The following FASN variants were observed in gnomAD, a reference collection of about 807,000 sequenced individuals.
The protein encoded by FASN is fatty acid synthase.
A neutral mutation model predicts 250.0 loss-of-function variants in FASN; 50 were observed. The ratio of observed to expected loss-of-function variants is 0.20; its 90% CI spans 0.16 to 0.25. The LOEUF (loss-of-function observed/expected upper bound fraction) is 0.25. FASN is among the 10% of genes least tolerant of loss of function. The pLI is 1.00. For synonymous variants in FASN, 1,909 were observed against 1,584.0 expected, an observed-to-expected ratio of 1.21 and a Z score of -4.87; for missense variants, 3,031 against 3,498.5, an observed-to-expected ratio of 0.87 and a Z score of 3.37.
Position 82,095,471 on chromosome 17 carries a change from C to T in FASN, c.129G>A (p.Gly43=), listed in dbSNP as rs146967792. 5.1e-5 allele frequency: 83 copies of T among 1,611,946 alleles called. No homozygotes were observed. Among genetic ancestry groups the T allele is most frequent in the Non-Finnish European group, 6.4e-5 (76 of 1,179,998 alleles). ...VTDDDRRWKA[G]LYGLPRRSGK... ...CGGACCGCCGGGGCAGGCCGTAGAGCCCTGTGGGACAGGCGGGTGTTTAAA... is the reference window on the plus strand; with the variant it reads ...CGGACCGCCGGGGCAGGCCGTAGAGTCCTGTGGGACAGGCGGGTGTTTAAA... The change falls in exon 3 of 43, where the codon GGG becomes GGA. Residue 43 remains glycine, a splice_region_variant and synonymous_variant. Transcript: ENST00000306749.
At position 82,085,131 on chromosome 17, in the gene FASN, G is replaced by A. The variant is rs1568109211; in HGVS notation, c.4313C>T (p.Ser1438Phe). 6.2e-7 allele frequency: 1 copy of A among 1,612,582 alleles called. No homozygotes were observed. The highest frequency in any genetic ancestry group is 8.5e-7 in the Non-Finnish European group (1 of 1,179,890). The change falls in exon 25 of 43, where the codon TCC becomes TTC. Residue 1438 changes from serine (S) to phenylalanine (F), a missense_variant. Coordinates refer to ENST00000306749, the MANE Select transcript of FASN (RefSeq NM_004104.5). ...LKGILADEDS[S>F]RPVWLKAINC... ...GATGGCCTTCAGCCACACAGGCCGGGAAGAGTCTTCGTCAGCCAGGATGCC... is the reference window on the plus strand; with the variant it reads ...GATGGCCTTCAGCCACACAGGCCGGAAAGAGTCTTCGTCAGCCAGGATGCC...
chr17:82,083,059 C>T lies in FASN; in HGVS notation c.5622G>A (p.Ser1874=), dbSNP rs371027913. The T allele has an allele frequency of 7.9e-5, 127 of 1,612,306 alleles. No individual in the cohort carries two copies. The highest frequency in any genetic ancestry group is 2.9e-4 in the African/African-American group (22 of 74,892). Residue 1874 remains serine, a synonymous_variant, in exon 33 of 43, where the codon TCG becomes TCA. Coordinates refer to ENST00000306749, the MANE Select transcript of FASN (RefSeq NM_004104.5). The stretch of plus-strand genomic sequence containing the variant: ...CCGGGCAGAAGGTCTTGGAGATGGC[C>T]GACATCAGCTTGGGTTTGGCCCCCT... ...VLKGAKPKLM[S]AISKTFCPAH... is the part of the protein sequence containing the mutation.
In FASN at chr17:82,085,742, G is replaced by T. The variant is rs2034086854; in HGVS notation, c.3862C>A (p.Gln1288Lys). Residue 1288 changes from glutamine to lysine, a missense_variant, in exon 23 of 43, where the codon CAG (glutamine) becomes AAG (lysine). Transcript: ENST00000306749. ...TGGCCCTGGGCAACGTCGTGCTGCT[G>T]CAGCTCGGCCTGGGCAGCCTCCAGG... ...QALEAAQAEL[Q>K]QHDVAQGQWD... is the part of the protein sequence containing the mutation. 2 of 1,564,964 alleles carry T rather than the reference G, an allele frequency of 1.3e-6. No individual in the cohort carries two copies. Among genetic ancestry groups the T allele is most frequent in the Non-Finnish European group, 1.7e-6 (2 of 1,155,624 alleles).
intron 27 of FASN, 50 bp downstream of exon 27, chr17:82,084,463 G>T: frequency 6.3e-7 from 1 of 1,586,574 alleles, no homozygotes; most frequent in Non-Finnish European, 8.6e-7. Context: ...AGCTGCTGGG[G>T]TCTCTGCTCC....
intron 21 of FASN, among the ~76,000 whole-genome samples, chr17:82,086,771 G>A (rs1233498779): frequency 6.6e-6 from 1 of 152,182 alleles, no homozygotes; most frequent in Non-Finnish European, 1.5e-5. Flanking sequence ...CAGCTGCAGG[G>A]GCTACTCTGT....
chr17:82,085,612 T>C lies in FASN; in HGVS notation c.3992A>G (p.Asn1331Ser). 6.2e-7 allele frequency: 1 copy of C among 1,600,046 alleles called. No homozygotes were observed. Among genetic ancestry groups the C allele is most frequent in the Non-Finnish European group, 8.5e-7 (1 of 1,174,150 alleles). Residue 1331 changes from asparagine (N) to serine (S), a missense_variant, in exon 23 of 43, where the codon AAC becomes AGC. By Grantham distance (46) the Asn-to-Ser change is conservative. Coordinates refer to ENST00000306749, the MANE Select transcript of FASN (RefSeq NM_004104.5). ...CCCTTCTCTCAGGGCAGCCACCATG[T>C]TGCTGAGAGCTGAGGCCGGGTCCCC... ...ALGDPASALS[N>S]MVAALREGGF...
Position 82,092,802 on chromosome 17 carries a change from G to A in FASN, c.789C>T (p.Phe263=), listed in dbSNP as rs755074049. The A allele has an allele frequency of 1.3e-6, 2 of 1,599,648 alleles. No individual in the cohort carries two copies. The highest frequency in any genetic ancestry group is 2.2e-5 in the South Asian group (2 of 88,970). Residue 263 remains phenylalanine (F), a synonymous_variant, in exon 7 of 43, where the codon TTC becomes TTT. Coordinates refer to ENST00000306749, the MANE Select transcript of FASN (RefSeq NM_004104.5). ...GCTGCTCCTGGATATCCCCTGAGGG[G>A]AAGGTCACGCCTGCGGAGGGCTCGG... is the stretch of plus-strand genomic sequence containing the variant. ...TDGFKEQGVT[F]PSGDIQEQLI...
Position 82,091,689 on chromosome 17 carries a change from G to C in FASN, c.1030-5C>G. The C allele has an allele frequency of 1.3e-6, 2 of 1,566,160 alleles. No homozygotes were observed. The highest frequency in any genetic ancestry group is 1.7e-6 in the Non-Finnish European group (2 of 1,155,232). ...GTGCTCCAGGGACAGCAGCACCTGC[G>C]GGGGTACGTGGTGGATGGGCAGCCG... On this transcript the variant is annotated splice_region_variant and splice_polypyrimidine_tract_variant and intron_variant, in intron 8 of 42. Coordinates refer to ENST00000306749, the MANE Select transcript of FASN (RefSeq NM_004104.5).
rs530922404 is a variant in FASN, at chr17:82,088,578, G to A, written c.2421-16C>T. The A allele has an allele frequency of 1.1e-4, 179 of 1,601,534 alleles. No individual in the cohort carries two copies. Among genetic ancestry groups the A allele is most frequent in the Non-Finnish European group, 1.3e-4 (155 of 1,173,300 alleles). ...GGCGTCGATGCTACGGAGAAGGGAG[G>A]CATGGGTAGCACACCCGTCACCGGG... On this transcript the variant is annotated splice_polypyrimidine_tract_variant and intron_variant, in intron 15 of 42. Coordinates refer to ENST00000306749, the MANE Select transcript of FASN (RefSeq NM_004104.5).
intron 3 of FASN, among the ~76,000 whole-genome samples, chr17:82,094,395 G>A (rs1002714583): frequency 2.0e-5 from 3 of 151,926 alleles, no homozygotes; most frequent in African/African-American, 7.3e-5. Flanking sequence ...CTCTGCCCTA[G>A]GGTGGGTGGG....
chr17:82,089,406 A>C, intron 12 of FASN, 22 bp from the exon 13 acceptor site: 1 of 1,612,684 alleles, frequency 6.2e-7, no homozygotes, highest in Non-Finnish European at 8.5e-7. Flanking sequence ...GGGAGCCTGG[A>C]TAAGCATCCT....
intron 12 of FASN, 69 bp from the exon 13 acceptor site, chr17:82,089,453 G>A (rs929473179): frequency 1.2e-5 from 19 of 1,608,908 alleles, no homozygotes; most frequent in African/African-American, 9.4e-5. Flanking sequence ...GAGGTAGGGC[G>A]CACCCACCTC....
intron 1 of FASN, 48 bp downstream of exon 1, chr17:82,098,073 A>T (rs910529301): frequency 3.1e-6 from 1 of 326,418 alleles, no homozygotes; most frequent in South Asian, 1.5e-4. Flanking sequence ...CCCCGGGCCC[A>T]GCCCCGACCA....
chr17:82,094,236 T>C (rs945392819), intron 3 of FASN: 2 of 260,620 alleles, frequency 7.7e-6, no homozygotes, highest in African/African-American at 2.2e-5. Flanking sequence ...AAAGGCCAAG[T>C]GTCCAGGCTC....
chr17:82,087,930 T>G (rs899645066), intron 18 of FASN, 24 bp downstream of exon 18: 1 of 1,611,914 alleles, frequency 6.2e-7, no homozygotes, highest in Non-Finnish European at 8.5e-7. Context: ...CCTCCGCAGC[T>G]CCCGTGCCAC....
chr17:82,081,389 G>T, intron 37 of FASN, 37 bp from the exon 38 acceptor site: 1 of 1,560,354 alleles, frequency 6.4e-7, no homozygotes. Context: ...CTCCAGAGGG[G>T]GCATGGGGAC....
At position 82,092,890 on chromosome 17, in the gene FASN, A is replaced by G. The variant is rs1327782476; in HGVS notation, c.778+7T>C. ...CCCCAGCACCCCGGAACCCCGGCAG[A>G]GCCCACCTTGCTCCTTGAAGCCATC... On this transcript the variant is annotated splice_region_variant and intron_variant, in intron 6 of 42. Transcript: ENST00000306749. 2 of 1,599,062 alleles carry G rather than the reference A, an allele frequency of 1.3e-6. No individual in the cohort carries two copies. The highest frequency in any genetic ancestry group is 1.7e-5 in the Admixed American group (1 of 58,084).
rs760233108 is a variant in FASN at position 82,079,104 on chromosome 17, ATGG to A, written c.*36_*38del. 1.5e-5 allele frequency: 24 copies of A among 1,582,540 alleles called. No individual in the cohort carries two copies. In the African/African-American group the frequency reaches 3.3e-4, roughly 22 times the overall value. Reference sequence around the variant, plus strand: ...GGGGGTGGGGTGGGGTGGGGTGGGGATGGTGGAGTGACCTCCGGTGGCAGGCGG... The same window carrying A: ...GGGGGTGGGGTGGGGTGGGGTGGGGATGGAGTGACCTCCGGTGGCAGGCGG... On this transcript the variant is annotated 3_prime_UTR_variant, in exon 43 of 43. Transcript: ENST00000306749.
At position 82,090,936 on chromosome 17, in the gene FASN, G is replaced by C. The variant is rs142807582; in HGVS notation, c.1626C>G (p.Asp542Glu). 1 of 1,612,292 alleles carries C rather than the reference G, an allele frequency of 6.2e-7. No homozygotes were observed. The highest frequency in any genetic ancestry group is 1.7e-4 in the Middle Eastern group (1 of 6,058). Reference sequence around the variant, plus strand: ...GGACGATGTCATCAAAGGTGCTCTCGTCTGTGCTCAGCAGCAGCTGTGACA... The same window carrying C: ...GGACGATGTCATCAAAGGTGCTCTCCTCTGTGCTCAGCAGCAGCTGTGACA... ...LKVSQLLLST[D>E]ESTFDDIVHS... Residue 542 changes from aspartate (D) to glutamate (E), a missense_variant, in exon 10 of 43, where the codon GAC becomes GAG. By Grantham distance (45) the Asp-to-Glu change is conservative. Coordinates refer to ENST00000306749, the MANE Select transcript of FASN (RefSeq NM_004104.5).
Sources: gnomAD v4.1 joint callset for allele counts (sites outside exome capture counted in the v4.1 genomes callset) on GRCh38, gnomAD v4.1.1 for gene constraint, MANE v1.5 for transcripts, NCBI Gene and HGNC (gene_info 2026-07-23, HGNC 2026-07-21) for gene names.